Variants in SCGN observed in about 807,000 individuals in gnomAD.
SCGN encodes secretagogin.
Under a neutral mutation model 39.7 loss-of-function variants are expected in SCGN, and 30 were observed. The observed-to-expected ratio is 0.76, with a 90% CI of 0.57 to 1.03. SCGN has a LOEUF of 1.03. SCGN is among the 50% of genes least tolerant of loss of function. The pLI is 0.00. For missense variants in SCGN, 353 were observed against 349.4 expected, an observed-to-expected ratio of 1.01 and a Z score of -0.08; for synonymous variants, 106 against 114.1, an observed-to-expected ratio of 0.93 and a Z score of 0.45.
intron 10 of SCGN, among the ~76,000 whole-genome samples, chr6:25,692,337 T>C (rs1759783120): frequency 6.6e-6 from 1 of 152,204 alleles, no homozygotes. Flanking sequence ...TTTGAGAGAA[T>C]GAATGGGACA....
intron 6 of SCGN, among the ~76,000 whole-genome samples, chr6:25,671,433 T>C (rs1759497002): frequency 6.6e-6 from 1 of 152,210 alleles, no homozygotes; most frequent in South Asian, 2.1e-4. Flanking sequence ...CCCAGTCAAG[T>C]GAGTCTCCGC....
At chr6:25,697,707 C>T (rs1759855519) in intron 10 of SCGN, among the ~76,000 whole-genome samples, 2 of 152,182 alleles carry the variant, frequency 1.3e-5, no homozygotes, top group African/African-American at 4.8e-5. Context: ...AAAGGTCCCC[C>T]TATTGCCAAG....
chr6:25,672,053 C>T (rs1190025676), intron 6 of SCGN, among the ~76,000 whole-genome samples: 2 of 152,210 alleles, frequency 1.3e-5, no homozygotes, highest in African/African-American at 4.8e-5. Flanking sequence ...TCCCCCCTCA[C>T]CAACTTTTTT....
chr6:25,680,037 A>C (rs1759618290), intron 6 of SCGN, among the ~76,000 whole-genome samples: 1 of 126,746 alleles, frequency 7.9e-6, no homozygotes, highest in Non-Finnish European at 1.9e-5. Context: ...CAGTTTCCTT[A>C]TTTATTACAA....
At chr6:25,689,270 G>A in intron 8 of SCGN, 53 bp downstream of exon 8, 1 of 1,353,004 alleles carries the variant, frequency 7.4e-7, no homozygotes. Flanking sequence ...TTTCTCTACG[G>A]ATTTGAGCAG....
intron 6 of SCGN, among the ~76,000 whole-genome samples, chr6:25,673,587 T>C (rs1759527493): frequency 6.6e-6 from 1 of 152,294 alleles, no homozygotes; most frequent in South Asian, 2.1e-4. Context: ...TCTCACCCAA[T>C]GTTTAAGTAT....
chr6:25,682,806 C>T (rs1759654438), intron 7 of SCGN, among the ~76,000 whole-genome samples: 2 of 152,118 alleles, frequency 1.3e-5, no homozygotes, highest in Non-Finnish European at 2.9e-5. Context: ...GGACTGGAGG[C>T]AAGTTTTTAA....
In SCGN at chr6:25,681,955, A is replaced by G; in HGVS notation, c.476A>G (p.Lys159Arg). The change falls in exon 7 of 11, where the codon AAG becomes AGG. Residue 159 changes from lysine to arginine, a missense_variant. Lys to Arg is a conservative substitution (Grantham distance 26). Coordinates refer to ENST00000377961, the MANE Select transcript of SCGN (RefSeq NM_006998.4). ...ATTTTCCCTTCTGCATTTCAGATGA[A>G]GATTTTTGACAGAAATAAAGATGGT... The part of the protein sequence containing the change: ...KLEEYTGTMM[K>R]IFDRNKDGRL... The G allele has an allele frequency of 6.2e-7, 1 of 1,613,246 alleles. No individual in the cohort carries two copies. The highest frequency in any genetic ancestry group is 8.5e-7 in the Non-Finnish European group (1 of 1,179,176).
chr6:25,689,293 G>A, intron 8 of SCGN, 76 bp downstream of exon 8: 4 of 1,248,436 alleles, frequency 3.2e-6, no homozygotes, highest in Non-Finnish European at 4.6e-6. Context: ...AAGAAGAAAG[G>A]AAGGCATCTA....
chr6:25,683,968 G>T (rs1466758707), intron 7 of SCGN, among the ~76,000 whole-genome samples: 1 of 152,142 alleles, frequency 6.6e-6, no homozygotes, highest in Non-Finnish European at 1.5e-5. Context: ...ATTGCCCCCT[G>T]GACATTTGAA....
chr6:25,653,126 T>A (rs1328263640), intron 1 of SCGN, among the ~76,000 whole-genome samples: 1 of 152,212 alleles, frequency 6.6e-6, no homozygotes, highest in African/African-American at 2.4e-5. Flanking sequence ...ATTCATTGAT[T>A]AAAATTCATG....
At chr6:25,696,507 A>C (rs748823783) in intron 10 of SCGN, among the ~76,000 whole-genome samples, 1 of 152,208 alleles carries the variant, frequency 6.6e-6, no homozygotes, top group Non-Finnish European at 1.5e-5. Context: ...ATTACTAATA[A>C]TTTAGATGGG....
chr6:25,681,415 T>C (rs1759635561), intron 6 of SCGN, among the ~76,000 whole-genome samples: 1 of 152,200 alleles, frequency 6.6e-6, no homozygotes, highest in South Asian at 2.1e-4. Context: ...TTCAAGCTTG[T>C]AATCTTTATA....
At chr6:25,665,078 G>A (rs2151378224) in intron 4 of SCGN, 46 bp downstream of exon 4, 5 of 1,459,046 alleles carry the variant, frequency 3.4e-6, no homozygotes, top group Middle Eastern at 1.7e-4. Flanking sequence ...ACTGAGACAA[G>A]GCTACGATCT....
At chr6:25,662,322 T>A (rs993161472) in intron 3 of SCGN, among the ~76,000 whole-genome samples, 3 of 152,198 alleles carry the variant, frequency 2.0e-5, no homozygotes, top group Non-Finnish European at 4.4e-5. Flanking sequence ...TTATCCCTAT[T>A]TTGCTGATAA....
intron 3 of SCGN, among the ~76,000 whole-genome samples, chr6:25,663,384 G>C (rs1319977108): frequency 6.6e-6 from 1 of 152,140 alleles, no homozygotes; most frequent in Non-Finnish European, 1.5e-5. Context: ...CAATATGGTG[G>C]AATATGAAAC....
intron 4 of SCGN, among the ~76,000 whole-genome samples, chr6:25,666,635 A>G (rs1760429073): frequency 6.6e-6 from 1 of 152,244 alleles, no homozygotes; most frequent in Non-Finnish European, 1.5e-5. Context: ...GAACATTATT[A>G]ATCACTGAAG....
chr6:25,699,170 G>A (rs148124280), intron 10 of SCGN, among the ~76,000 whole-genome samples: 6 of 152,214 alleles, frequency 3.9e-5, no homozygotes, highest in African/African-American at 1.4e-4. Flanking sequence ...AGTAATCAAG[G>A]GGCTTGGAAA....
intron 10 of SCGN, among the ~76,000 whole-genome samples, chr6:25,693,367 G>A (rs891765099): frequency 2.0e-5 from 3 of 148,648 alleles, no homozygotes; most frequent in African/African-American, 7.4e-5. Context: ...CAGGAGAATG[G>A]TGTGAACCTG....
Sources: allele counts gnomAD v4.1 joint callset (sites outside exome capture counted in the v4.1 genomes callset), GRCh38; gene constraint gnomAD v4.1.1; transcripts MANE v1.5; gene names NCBI Gene and HGNC (gene_info 2026-07-23, HGNC 2026-07-21).